The following AUNIP variants were observed in gnomAD, a reference collection of about 807,000 sequenced individuals.
AUNIP encodes the protein aurora kinase A- and ninein-interacting protein.
In AUNIP, 16 loss-of-function variants were observed where a neutral mutation model predicts 12.2. The ratio of observed to expected loss-of-function variants is 1.31; its 90% CI spans 0.88 to 1.99. The LOEUF is 1.99. Ranked by LOEUF, AUNIP falls within the 30% of genes most tolerant of loss-of-function variation. AUNIP has a pLI of 0.00. For synonymous variants in AUNIP, 142 were observed against 154.8 expected (o/e 0.92, Z 0.61); for missense variants, 411 against 419.1 (o/e 0.98, Z 0.17).
chr1:25,840,430 G>A (rs1193353273), intron 1 of AUNIP, among the ~76,000 whole-genome samples: 2 of 152,096 alleles, frequency 1.3e-5, no homozygotes, highest in Admixed American at 1.3e-4. Flanking sequence ...GAGGGGGACA[G>A]AAAATATGTT....
Position 25,834,628 on chromosome 1 carries a change from A to C in AUNIP, c.*365T>G, listed in dbSNP as rs1306594182. The C allele has an allele frequency of 1.2e-5, 12 of 1,015,264 alleles. No individual in the cohort carries two copies. The highest frequency in any genetic ancestry group is 3.5e-5 in the African/African-American group (2 of 57,860). 62.9% of individuals were successfully genotyped at this position (1,015,264 alleles called of 1,614,324 possible). A position where few individuals can be genotyped will look rare whatever the true frequency, so the allele number is the denominator to read the frequency against. On this transcript the variant is annotated 3_prime_UTR_variant, in exon 3 of 3. Transcript: ENST00000374298. ...GAGACTCCATCTCAAAAAAAAAAAA[A>C]AAAAAACACATCCATAAGCAAGGTC...
chr1:25,855,624 C>A (rs1197257750), intron 1 of AUNIP, among the ~76,000 whole-genome samples: 1 of 152,164 alleles, frequency 6.6e-6, no homozygotes, highest in Admixed American at 6.6e-5. Context: ...ACTGGCCAGA[C>A]TACAAACTAC....
At position 25,834,035 on chromosome 1, in the gene AUNIP, GT is replaced by G. The variant is rs1252028946; in HGVS notation, c.*957del. The G allele has an allele frequency of 1.0e-6, 1 of 984,946 alleles. No individual in the cohort carries two copies. Among genetic ancestry groups the G allele is most frequent in the Non-Finnish European group, 1.2e-6 (1 of 829,622 alleles). The allele number at this position is 984,946 out of a possible 1,614,324, so 61.0% of individuals were successfully genotyped here. A position where few individuals can be genotyped will look rare whatever the true frequency, so the allele number is the denominator to read the frequency against. ...TTGTAAACATTTATTTGGATTCATA[GT>G]TTTACAAAGGGGATTCCCTCCTATC... On this transcript the variant is annotated 3_prime_UTR_variant, in exon 3 of 3. Transcript: ENST00000374298.
In AUNIP at chr1:25,846,599, T is replaced by G. The variant is rs189210675; in HGVS notation, c.79-9045A>C. On this transcript the variant is annotated intron_variant, in intron 1 of 2. Coordinates refer to ENST00000374298, the MANE Select transcript of AUNIP (RefSeq NM_024037.3). ...TTAACCAGGCATGATGGCAGATGCC[T>G]CTAATCCAAGCTACTCAGGAGGCTG... 6.4e-4 allele frequency among the ~76,000 whole-genome samples: 97 copies of G among 152,184 alleles called. 1 individual carries two copies. The highest frequency in any genetic ancestry group is 2.2e-3 in the African/African-American group (92 of 41,498).
intron 1 of AUNIP, among the ~76,000 whole-genome samples, chr1:25,856,171 C>G (rs2048458809): frequency 6.6e-6 from 1 of 151,744 alleles, no homozygotes; most frequent in Non-Finnish European, 1.5e-5. Flanking sequence ...TCGAGACCAG[C>G]CTGGTCAACA....
downstream of AUNIP, chr1:25,832,372 C>T (rs2048256910): frequency 1.7e-6 from 1 of 575,570 alleles, no homozygotes. Context: ...GACCCTATAG[C>T]TGGTCTCACA....
downstream of AUNIP, chr1:25,832,139 C>G: frequency 6.3e-7 from 1 of 1,584,484 alleles, no homozygotes; most frequent in Non-Finnish European, 8.6e-7. Flanking sequence ...AACAGTCTTG[C>G]TGACAAGCTA....
At chr1:25,832,256 G>T, downstream of AUNIP, 3 of 1,286,056 alleles carry the variant, frequency 2.3e-6, no homozygotes, top group African/African-American at 1.5e-5. Context: ...TCAGGTAATC[G>T]TGTAGAATGA....
At chr1:25,852,636 C>T (rs543627262) in intron 1 of AUNIP, among the ~76,000 whole-genome samples, 259 of 152,040 alleles carry the variant, frequency 1.7e-3, no homozygotes, top group African/African-American at 6.1e-3. Context: ...GACAGGGTTT[C>T]GCCGTGTTGG....
chr1:25,851,025 T>C (rs896546422), intron 1 of AUNIP, among the ~76,000 whole-genome samples: 1 of 152,238 alleles, frequency 6.6e-6, no homozygotes, highest in Non-Finnish European at 1.5e-5. Context: ...TTTTCATAGA[T>C]GCCCTTTGTG....
chr1:25,854,875 C>T (rs2048449478), intron 1 of AUNIP, among the ~76,000 whole-genome samples: 1 of 151,948 alleles, frequency 6.6e-6, no homozygotes, highest in South Asian at 2.1e-4. Flanking sequence ...GTCCTCACAA[C>T]ATGACAGCTG....
At chr1:25,854,229 T>C (rs369380738) in intron 1 of AUNIP, among the ~76,000 whole-genome samples, 16 of 151,746 alleles carry the variant, frequency 1.1e-4, no homozygotes, top group African/African-American at 3.6e-4. Flanking sequence ...AACAAACAAA[T>C]AAATAAATAA....
intron 1 of AUNIP, among the ~76,000 whole-genome samples, chr1:25,840,157 A>G (rs1179186414): frequency 1.3e-5 from 2 of 152,228 alleles, no homozygotes; most frequent in Admixed American, 1.3e-4. Flanking sequence ...GTTAACTTAA[A>G]ATAGTTGGAA....
At chr1:25,838,482 G>A (rs916896087) in intron 1 of AUNIP, among the ~76,000 whole-genome samples, 10 of 151,162 alleles carry the variant, frequency 6.6e-5, no homozygotes, top group Non-Finnish European at 1.0e-4. Flanking sequence ...CAGCCTGGGC[G>A]ACAGAGCAAG....
chr1:25,852,560 C>T (rs1171461198), intron 1 of AUNIP, among the ~76,000 whole-genome samples: 4 of 151,488 alleles, frequency 2.6e-5, no homozygotes, highest in Non-Finnish European at 5.9e-5. Context: ...CTGCCTCAGC[C>T]TCCTGAGTAG....
chr1:25,843,203 T>TATATATATATATA (rs2048358460), intron 1 of AUNIP, among the ~76,000 whole-genome samples: 1 of 148,454 alleles, frequency 6.7e-6, no homozygotes, highest in Non-Finnish European at 1.5e-5. Context: ...TATATATATA[T>TATATATATATATA]TTTACTGCTC....
chr1:25,851,025 T>A (rs896546422), intron 1 of AUNIP, among the ~76,000 whole-genome samples: 4 of 152,238 alleles, frequency 2.6e-5, no homozygotes, highest in Admixed American at 6.5e-5. Flanking sequence ...TTTTCATAGA[T>A]GCCCTTTGTG....
chr1:25,857,456 C>A (rs533978109), intron 1 of AUNIP, among the ~76,000 whole-genome samples: 46 of 147,426 alleles, frequency 3.1e-4, no homozygotes, highest in Non-Finnish European at 1.5e-4. Flanking sequence ...ACCATGTTGG[C>A]CAGGCCGGTC....
At chr1:25,857,933 T>C (rs2048475880) in intron 1 of AUNIP, among the ~76,000 whole-genome samples, 1 of 152,026 alleles carries the variant, frequency 6.6e-6, no homozygotes, top group African/African-American at 2.4e-5. Context: ...TCTGGGAGGC[T>C]GAGGCGGGCA....
Sources: allele counts gnomAD v4.1 joint callset (sites outside exome capture counted in the v4.1 genomes callset), GRCh38; gene constraint gnomAD v4.1.1; transcripts MANE v1.5; gene names NCBI Gene and HGNC (gene_info 2026-07-23, HGNC 2026-07-21).